Variants in SCAMP1 observed in about 807,000 individuals in gnomAD.
SCAMP1 encodes the protein secretory carrier-associated membrane protein 1.
SCAMP1 carries 15 observed loss-of-function variants against 41.8 expected under a neutral mutation model. The observed-to-expected ratio is 0.36, with a 90% confidence interval of 0.24 to 0.55. The LOEUF is 0.55. SCAMP1 is among the 20% of genes least tolerant of loss of function. The pLI is 0.86. For missense variants in SCAMP1, 341 were observed against 412.6 expected (o/e 0.83, Z 1.50); for synonymous variants, 135 against 136.8 (o/e 0.99, Z 0.09).
chr5:78,368,809 T>C (rs1249497853), intron 1 of SCAMP1, among the ~76,000 whole-genome samples: 1 of 152,110 alleles, frequency 6.6e-6, no homozygotes, highest in Non-Finnish European at 1.5e-5. Flanking sequence ...AAAGTGTTCT[T>C]AGGTAAGTGA....
intron 6 of SCAMP1, among the ~76,000 whole-genome samples, chr5:78,439,889 T>A (rs538969059): frequency 2.0e-5 from 3 of 152,224 alleles, no homozygotes; most frequent in Admixed American, 6.5e-5. Context: ...CATAGTCCCA[T>A]GTTTCTTGGA....
chr5:78,391,532 C>G (rs919096082), intron 2 of SCAMP1, among the ~76,000 whole-genome samples: 1 of 151,822 alleles, frequency 6.6e-6, no homozygotes, highest in Non-Finnish European at 1.5e-5. Context: ...GGGTGGCTGC[C>G]GGGCGGAGGG....
rs572408022 is a variant in SCAMP1 at position 78,369,235 on chromosome 5, T to C, written c.57+8507T>C. ...GATTTTCCTGCCTTAGCCTCCCGAG[T>C]AGCTGGGACTATAGGCGTGCACCGC... On this transcript the variant is annotated intron_variant, in intron 1 of 8. Transcript: ENST00000621999. 2.9e-4 allele frequency among the ~76,000 whole-genome samples: 44 copies of C among 151,956 alleles called. No individual in the cohort carries two copies. The South Asian group carries it at 9.0e-3, about 31-fold the overall frequency.
At chr5:78,360,815 C>A in intron 1 of SCAMP1, 87 bp downstream of exon 1, 2 of 1,306,196 alleles carry the variant, frequency 1.5e-6, no homozygotes, top group Non-Finnish European at 2.1e-6. Flanking sequence ...ACTGCGTCTG[C>A]CCCTCGGCTC....
chr5:78,477,827 G>A lies in SCAMP1; in HGVS notation c.*2159G>A, dbSNP rs570044573. 4 of 152,172 alleles carry A rather than the reference G, an allele frequency of 2.6e-5. No individual in the cohort carries two copies. The highest frequency in any genetic ancestry group is 9.6e-5 in the African/African-American group (4 of 41,548). The allele number at this position is 152,172 out of a possible 1,614,324, so 9.4% of individuals were successfully genotyped here. A position where few individuals can be genotyped will look rare whatever the true frequency, so the allele number is the denominator to read the frequency against. ...ATGGCAATGCTTATAGTATGATCAA[G>A]TATGAAAGGAACTTTAAATTCTTAT... is the stretch of plus-strand genomic sequence containing the variant. On this transcript the variant is annotated 3_prime_UTR_variant, in exon 9 of 9. Transcript: ENST00000621999.
intron 3 of SCAMP1, 119 bp from the exon 4 acceptor site, chr5:78,416,422 C>T: frequency 6.0e-6 from 4 of 666,272 alleles, no homozygotes; most frequent in South Asian, 4.6e-5. Context: ...AATTCCTGTA[C>T]TTTGGAAGTG....
At chr5:78,382,810 T>C (rs933653777) in intron 1 of SCAMP1, among the ~76,000 whole-genome samples, 4 of 104,940 alleles carry the variant, frequency 3.8e-5, no homozygotes, top group Non-Finnish European at 8.6e-5. Context: ...TGTGTGTGTG[T>C]GTGTGTGTGC....
chr5:78,440,186 C>G (rs550792211), intron 6 of SCAMP1, among the ~76,000 whole-genome samples: 3 of 152,128 alleles, frequency 2.0e-5, no homozygotes, highest in Admixed American at 2.0e-4. Flanking sequence ...TATTACGGAT[C>G]GTCTGAAGCC....
intron 6 of SCAMP1, among the ~76,000 whole-genome samples, chr5:78,427,512 C>G (rs945022390): frequency 6.6e-6 from 1 of 152,060 alleles, no homozygotes; most frequent in East Asian, 1.9e-4. Context: ...ATTCATTTCT[C>G]TTGAATATAT....
rs202120514 is a variant in SCAMP1, at chr5:78,419,361, AC to A, written c.472+459del. ...AAGTGTTCTTTTTATAGCTTTGAGT[AC>A]AGTTTACTTTTTGTTTTCAATTGCG... On this transcript the variant is annotated intron_variant, in intron 5 of 8. Coordinates refer to ENST00000621999, the MANE Select transcript of SCAMP1 (RefSeq NM_004866.6). Among the ~76,000 whole-genome samples the A allele has an allele frequency of 2.5e-3, 381 of 152,358 alleles. 2 individuals are homozygous for A. Among genetic ancestry groups the A allele is most frequent in the African/African-American group, 8.7e-3 (360 of 41,588 alleles).
chr5:78,422,835 A>C (rs772269987), intron 6 of SCAMP1, among the ~76,000 whole-genome samples: 1 of 152,214 alleles, frequency 6.6e-6, no homozygotes, highest in Non-Finnish European at 1.5e-5. Context: ...ATTTGAGTAA[A>C]TTCTTGTGAA....
At position 78,444,002 on chromosome 5, in the gene SCAMP1, C is replaced by T. The variant is rs190224449; in HGVS notation, c.633-5931C>T. Among the ~76,000 whole-genome samples, 44 of 152,102 alleles carry T rather than the reference C, an allele frequency of 2.9e-4. 1 individual carries two copies. In the East Asian group the frequency reaches 7.2e-3, roughly 25 times the overall value. ...GACTCTATTATAAATTTAGAATTTTCGAATCTTCTTCCAAAAAAACACATA... is the reference window on the plus strand; with the variant it reads ...GACTCTATTATAAATTTAGAATTTTTGAATCTTCTTCCAAAAAAACACATA... On this transcript the variant is annotated intron_variant, in intron 6 of 8. Coordinates refer to ENST00000621999, the MANE Select transcript of SCAMP1 (RefSeq NM_004866.6).
At chr5:78,365,832 G>A (rs1406073537) in intron 1 of SCAMP1, among the ~76,000 whole-genome samples, 1 of 152,086 alleles carries the variant, frequency 6.6e-6, no homozygotes, top group African/African-American at 2.4e-5. Flanking sequence ...TCTCACTTAT[G>A]TTATCTTTTA....
At chr5:78,444,003 G>A (rs3952231) in intron 6 of SCAMP1, among the ~76,000 whole-genome samples, 8 of 151,742 alleles carry the variant, frequency 5.3e-5, no homozygotes, top group Non-Finnish European at 1.0e-4. Context: ...TAGAATTTTC[G>A]AATCTTCTTC....
At chr5:78,427,413 C>T (rs530620973) in intron 6 of SCAMP1, among the ~76,000 whole-genome samples, 1 of 152,226 alleles carries the variant, frequency 6.6e-6, no homozygotes, top group Admixed American at 6.5e-5. Context: ...GGCCCCACCT[C>T]CAACATTGGG....
chr5:78,427,827 C>T (rs546591728), intron 6 of SCAMP1, among the ~76,000 whole-genome samples: 108 of 152,120 alleles, frequency 7.1e-4, no homozygotes, highest in African/African-American at 2.6e-3. Flanking sequence ...AGACGTGTGT[C>T]TTTTTTGGTG....
intron 6 of SCAMP1, among the ~76,000 whole-genome samples, chr5:78,438,411 G>A (rs967441141): frequency 2.6e-5 from 4 of 152,148 alleles, no homozygotes; most frequent in Non-Finnish European, 1.5e-5. Context: ...CTGGTACGTT[G>A]TGTCTTTGTT....
chr5:78,463,909 G>T (rs1409256604), intron 8 of SCAMP1, among the ~76,000 whole-genome samples: 1 of 151,234 alleles, frequency 6.6e-6, no homozygotes, highest in Non-Finnish European at 1.5e-5. Context: ...ACCTACTAAT[G>T]AGATGGCACT....
At chr5:78,415,961 A>G (rs978370695) in intron 3 of SCAMP1, among the ~76,000 whole-genome samples, 1 of 152,210 alleles carries the variant, frequency 6.6e-6, no homozygotes, top group Non-Finnish European at 1.5e-5. Flanking sequence ...ATGGTAAAAT[A>G]ACAGTGTTAG....
Sources: allele counts gnomAD v4.1 joint callset (sites outside exome capture counted in the v4.1 genomes callset), GRCh38; gene constraint gnomAD v4.1.1; transcripts MANE v1.5; gene names NCBI Gene and HGNC (gene_info 2026-07-23, HGNC 2026-07-21).